STXBP5L: variants seen among roughly 807,000 people sequenced by gnomAD.
STXBP5L encodes the protein syntaxin binding protein 5L, also known as syntaxin-binding protein 5-like.
Under a neutral mutation model 144.5 loss-of-function variants are expected in STXBP5L, and 65 were observed. That is an observed-to-expected ratio of 0.45 (90% CI 0.37 to 0.55). The LOEUF (loss-of-function observed/expected upper bound fraction) is 0.55, where lower values mean the gene tolerates loss of function less well. STXBP5L is among the 20% of genes least tolerant of loss of function. The probability of loss-of-function intolerance (pLI) is 0.00; values close to 1 mark genes in which losing one functional copy is unlikely to be tolerated. For synonymous variants in STXBP5L, 505 were observed against 469.6 expected (o/e 1.08, Z -0.97); for missense variants, 1,298 against 1,405.5 (o/e 0.92, Z 1.22).
intron 3 of STXBP5L, among the ~76,000 whole-genome samples, chr3:121,026,673 T>A (rs753239599): frequency 7.9e-5 from 12 of 151,836 alleles, no homozygotes; most frequent in Non-Finnish European, 1.5e-4. Flanking sequence ...AGAGAAAGCA[T>A]CCGTTAGTGA....
intron 3 of STXBP5L, among the ~76,000 whole-genome samples, chr3:121,006,642 G>C (rs1322158692): frequency 2.0e-5 from 3 of 152,164 alleles, no homozygotes; most frequent in Admixed American, 6.5e-5. Flanking sequence ...TTTCTTCCTA[G>C]TATCAATGGT....
intron 3 of STXBP5L, among the ~76,000 whole-genome samples, chr3:121,011,679 T>C (rs971563927): frequency 3.3e-5 from 5 of 151,974 alleles, no homozygotes; most frequent in Non-Finnish European, 7.4e-5. Context: ...AAAAAAGTTA[T>C]TACAGATACA....
chr3:121,274,687 T>A (rs1025115762), intron 18 of STXBP5L, among the ~76,000 whole-genome samples: 19 of 152,164 alleles, frequency 1.2e-4, no homozygotes, highest in African/African-American at 4.3e-4. Context: ...GCATTTTTTT[T>A]ATTTGGCATT....
intron 7 of STXBP5L, among the ~76,000 whole-genome samples, chr3:121,130,329 C>T (rs1024080705): frequency 4.6e-5 from 7 of 152,008 alleles, no homozygotes; most frequent in African/African-American, 1.7e-4. Flanking sequence ...ACTATGTTAC[C>T]TGTGCTGTCC....
intron 20 of STXBP5L, among the ~76,000 whole-genome samples, chr3:121,343,043 C>T (rs1194875491): frequency 6.6e-6 from 1 of 152,124 alleles, no homozygotes; most frequent in Non-Finnish European, 1.5e-5. Context: ...GTCATTCTAA[C>T]TGTTGTGAAA....
chr3:120,924,694 AT>A (rs1709523301), intron 2 of STXBP5L: 1 of 151,606 alleles, frequency 6.6e-6, no homozygotes, highest in African/African-American at 2.4e-5. Flanking sequence ...CCTCGTCTTT[AT>A]TTTATTTATT....
At chr3:121,361,721 T>C (rs1229146587) in intron 20 of STXBP5L, among the ~76,000 whole-genome samples, 3 of 152,050 alleles carry the variant, frequency 2.0e-5, no homozygotes, top group Non-Finnish European at 4.4e-5. Context: ...TTTTTTTTAG[T>C]TTCCTCAACA....
chr3:121,053,029 C>G (rs1255999255), intron 5 of STXBP5L, among the ~76,000 whole-genome samples: 2 of 152,166 alleles, frequency 1.3e-5, no homozygotes, highest in East Asian at 3.8e-4. Flanking sequence ...CCTTGGAATC[C>G]ACCTTACAGG....
chr3:121,295,294 T>C (rs1043851656), intron 19 of STXBP5L, among the ~76,000 whole-genome samples: 2 of 152,086 alleles, frequency 1.3e-5, no homozygotes, highest in Non-Finnish European at 2.9e-5. Context: ...TCTATTAGTA[T>C]AGACAGACTT....
In STXBP5L at chr3:121,064,809, T is replaced by C. The variant is rs182686795; in HGVS notation, c.470+19274T>C. Among the ~76,000 whole-genome samples the C allele has an allele frequency of 5.3e-5, 8 of 152,320 alleles. No homozygotes were observed. In the East Asian group the frequency reaches 1.4e-3, roughly 26 times the overall value. ...TTTATTACATGGACATATTATGTGA[T>C]GCTGAGGTTTGGGGTATGGATCCTG... On this transcript the variant is annotated intron_variant, in intron 5 of 26. Coordinates refer to ENST00000471454, the MANE Select transcript of STXBP5L (RefSeq NM_001308330.2).
chr3:121,244,953 A>C lies in STXBP5L; in HGVS notation c.1400+4446A>C, dbSNP rs2049796953. Among the ~76,000 whole-genome samples the C allele has an allele frequency of 2.0e-5, 3 of 152,086 alleles. No individual in the cohort carries two copies. In the South Asian group the frequency reaches 6.2e-4, roughly 32 times the overall value. ...GCTGAGAGTTCCTTCAGTTGAAACA[A>C]ACACACTAGACAACACCACCGAAGC... On this transcript the variant is annotated intron_variant, in intron 14 of 26. Transcript: ENST00000471454.
chr3:121,409,734 A>G (rs2047074345), intron 23 of STXBP5L, among the ~76,000 whole-genome samples: 1 of 151,996 alleles, frequency 6.6e-6, no homozygotes, highest in Non-Finnish European at 1.5e-5. Context: ...AGCCACACCC[A>G]TGTTTCTGTA....
intron 5 of STXBP5L, among the ~76,000 whole-genome samples, chr3:121,073,213 G>C (rs2041879124): frequency 6.6e-6 from 1 of 152,166 alleles, no homozygotes; most frequent in Non-Finnish European, 1.5e-5. Flanking sequence ...GCCACACAAT[G>C]GGGCTTTCCG....
At chr3:121,076,517 C>T (rs1260752780) in intron 5 of STXBP5L, among the ~76,000 whole-genome samples, 1 of 152,056 alleles carries the variant, frequency 6.6e-6, no homozygotes, top group Non-Finnish European at 1.5e-5. Flanking sequence ...GGCTGCAGTG[C>T]CCTGCAGCCA....
chr3:121,347,690 T>A (rs970603231), intron 20 of STXBP5L, among the ~76,000 whole-genome samples: 3 of 152,164 alleles, frequency 2.0e-5, no homozygotes, highest in South Asian at 4.1e-4. Flanking sequence ...GTAAGTTGGA[T>A]TCCTAGGTAT....
At chr3:120,978,572 G>T (rs1941364647) in intron 3 of STXBP5L, among the ~76,000 whole-genome samples, 1 of 152,210 alleles carries the variant, frequency 6.6e-6, no homozygotes, top group Non-Finnish European at 1.5e-5. Flanking sequence ...ATCCAGGTTT[G>T]TTCTGTTGCT....
At chr3:121,152,319 T>A (rs2045961058) in intron 7 of STXBP5L, among the ~76,000 whole-genome samples, 158 bp from the exon 8 acceptor site, 1 of 152,118 alleles carries the variant, frequency 6.6e-6, no homozygotes, top group Non-Finnish European at 1.5e-5. Flanking sequence ...AGTTTGCCAT[T>A]TTTTAAATGT....
At chr3:121,334,115 A>G (rs1024231686) in intron 20 of STXBP5L, among the ~76,000 whole-genome samples, 1 of 151,978 alleles carries the variant, frequency 6.6e-6, no homozygotes, top group Non-Finnish European at 1.5e-5. Context: ...TCCATGTAAG[A>G]CGTGACTTGC....
At chr3:121,399,585 G>A (rs1286680034) in intron 22 of STXBP5L, among the ~76,000 whole-genome samples, 1 of 152,214 alleles carries the variant, frequency 6.6e-6, no homozygotes, top group East Asian at 1.9e-4. Flanking sequence ...TCCCTTATGG[G>A]AAATGAAGGG....
Sources: gnomAD v4.1 joint callset for allele counts (sites outside exome capture counted in the v4.1 genomes callset) on GRCh38, gnomAD v4.1.1 for gene constraint, MANE v1.5 for transcripts, NCBI Gene and HGNC (gene_info 2026-07-23, HGNC 2026-07-21) for gene names.